Variants in HSF2 observed in about 807,000 individuals in gnomAD.
HSF2 encodes heat shock transcription factor 2, also known as heat shock factor protein 2.
Under a neutral mutation model 65.0 loss-of-function variants are expected in HSF2, and 21 were observed. That is an observed-to-expected ratio of 0.32 (90% CI 0.23 to 0.47). The LOEUF (loss-of-function observed/expected upper bound fraction) is 0.47. Among genes scored for constraint, HSF2 ranks in the 20% least tolerant of loss-of-function variants. The pLI, the probability that HSF2 is intolerant of heterozygous loss-of-function variation, is 1.00. For synonymous variants in HSF2, 225 were observed against 219.1 expected (o/e 1.03, Z -0.24); for missense variants, 499 against 628.1 (o/e 0.79, Z 2.20).
intron 1 of HSF2, among the ~76,000 whole-genome samples, chr6:122,404,185 G>A (rs1319242022): frequency 2.0e-5 from 3 of 152,200 alleles, no homozygotes; most frequent in Non-Finnish European, 4.4e-5. Context: ...ATAGGTAGGA[G>A]GGAGAGAGAG....
chr6:122,430,526 ATTTTTATGTACAC>A (rs1237680620), intron 11 of HSF2, among the ~76,000 whole-genome samples: 1 of 152,094 alleles, frequency 6.6e-6, no homozygotes, highest in Non-Finnish European at 1.5e-5. Flanking sequence ...GTGATGAAAT[ATTTTTATGTACAC>A]TTTTGGAAAG....
At chr6:122,416,187 T>G (rs745797459) in intron 4 of HSF2, 34 bp from the exon 5 acceptor site, 50 of 1,363,176 alleles carry the variant, frequency 3.7e-5, no homozygotes, top group Non-Finnish European at 4.7e-5. Context: ...ATTGATTTTT[T>G]TTTTGTTTTG....
At chr6:122,431,031 A>G (rs1229944203) in intron 11 of HSF2, among the ~76,000 whole-genome samples, 1 of 152,138 alleles carries the variant, frequency 6.6e-6, no homozygotes, top group East Asian at 1.9e-4. Context: ...TGAAATGTAT[A>G]ATACATTTTT....
chr6:122,401,780 A>T (rs1773739646), intron 1 of HSF2, among the ~76,000 whole-genome samples: 1 of 152,198 alleles, frequency 6.6e-6, no homozygotes, highest in Non-Finnish European at 1.5e-5. Flanking sequence ...CGAAAATGTA[A>T]TGGAGTGGTA....
intron 4 of HSF2, among the ~76,000 whole-genome samples, chr6:122,414,659 C>T (rs1237575020): frequency 6.6e-6 from 1 of 152,160 alleles, no homozygotes; most frequent in Non-Finnish European, 1.5e-5. Flanking sequence ...GACAGTCTCA[C>T]TCTGTTACCC....
chr6:122,419,306 C>T, intron 6 of HSF2, 77 bp downstream of exon 6: 1 of 659,238 alleles, frequency 1.5e-6, no homozygotes, highest in East Asian at 2.9e-5. Flanking sequence ...GAGTAGCCTA[C>T]ACTTGCTGAG....
At chr6:122,410,054 C>T (rs2114428650) in intron 1 of HSF2, among the ~76,000 whole-genome samples, 1 of 152,034 alleles carries the variant, frequency 6.6e-6, no homozygotes, top group South Asian at 2.1e-4. Flanking sequence ...AAATTGTTAA[C>T]ACTATAATTT....
At chr6:122,414,928 T>C (rs1004106938) in intron 4 of HSF2, among the ~76,000 whole-genome samples, 17 of 152,174 alleles carry the variant, frequency 1.1e-4, no homozygotes, top group Non-Finnish European at 2.2e-4. Flanking sequence ...TACTTATCTT[T>C]ATTTAGTAAG....
At chr6:122,416,173 T>C in intron 4 of HSF2, 48 bp from the exon 5 acceptor site, 1 of 1,210,464 alleles carries the variant, frequency 8.3e-7, no homozygotes, top group South Asian at 1.3e-5. Flanking sequence ...GGTCTGGTTT[T>C]TTGATTGATT....
At chr6:122,413,128 T>C (rs939319616) in intron 3 of HSF2, among the ~76,000 whole-genome samples, 2 of 151,966 alleles carry the variant, frequency 1.3e-5, no homozygotes, top group Admixed American at 6.6e-5. Flanking sequence ...AAATAAGATA[T>C]TTTACTAAAT....
Position 122,422,316 on chromosome 6 carries a change from T to C in HSF2, c.830+18T>C, listed in dbSNP as rs1240891252. 1 of 1,543,044 alleles carries C rather than the reference T, an allele frequency of 6.5e-7. No individual in the cohort carries two copies. Among genetic ancestry groups the C allele is most frequent in the Admixed American group, 1.8e-5 (1 of 54,798 alleles). ...CCCTCCAAGTAAGGAGTTTGTGAGA[T>C]AAAATGTATGAAAATATTGATTACT... On this transcript the variant is annotated intron_variant, in intron 8 of 12. Coordinates refer to ENST00000368455, the MANE Select transcript of HSF2 (RefSeq NM_004506.4).
chr6:122,409,377 G>C (rs1379295529), intron 1 of HSF2, among the ~76,000 whole-genome samples: 3 of 152,002 alleles, frequency 2.0e-5, no homozygotes, highest in African/African-American at 7.2e-5. Flanking sequence ...GGTTTCAGTC[G>C]AGTGAGGGAA....
In HSF2 at chr6:122,431,417, T is replaced by A. The variant is rs202193329; in HGVS notation, c.1231-13T>A. The A allele has an allele frequency of 4.6e-5, 49 of 1,055,974 alleles. No homozygotes were observed. The highest frequency in any genetic ancestry group is 3.1e-4 in the Middle Eastern group (1 of 3,210). The allele number at this position is 1,055,974 out of a possible 1,614,324, so 65.4% of individuals were successfully genotyped here. On this transcript the variant is annotated splice_polypyrimidine_tract_variant and intron_variant, in intron 11 of 12. Transcript: ENST00000368455. ...ATGAAACAAGTACTTATATATATATTTTTTTCTTTTAGTCTGAGAATAAAG... is the reference window on the plus strand; with the variant it reads ...ATGAAACAAGTACTTATATATATATATTTTTCTTTTAGTCTGAGAATAAAG...
chr6:122,403,790 T>C (rs1773797977), intron 1 of HSF2, among the ~76,000 whole-genome samples: 1 of 152,150 alleles, frequency 6.6e-6, no homozygotes, highest in African/African-American at 2.4e-5. Flanking sequence ...AGTACAGAGA[T>C]TGTACTGTCA....
At chr6:122,427,731 G>C (rs1774368636) in intron 10 of HSF2, among the ~76,000 whole-genome samples, 172 bp from the exon 11 acceptor site, 1 of 151,972 alleles carries the variant, frequency 6.6e-6, no homozygotes, top group African/African-American at 2.4e-5. Context: ...AGCTTGTTCT[G>C]CTTTTGTTTG....
intron 10 of HSF2, among the ~76,000 whole-genome samples, chr6:122,427,548 C>G: frequency 6.6e-6 from 1 of 151,810 alleles, no homozygotes; most frequent in Non-Finnish European, 1.5e-5. Flanking sequence ...GGTCTCAACC[C>G]TGCACACCAC....
rs1193937545 is a variant in HSF2, at chr6:122,422,081, G to C, written c.682-69G>C. 6 of 1,094,570 alleles carry C rather than the reference G, an allele frequency of 5.5e-6. No individual in the cohort carries two copies. In the African/African-American group the frequency reaches 9.5e-5, roughly 17 times the overall value. 67.8% of individuals were successfully genotyped at this position (1,094,570 alleles called of 1,614,324 possible). ...TAAATAGTAGTTGCCTAGTTATTTT[G>C]TAGATGATATCTTGTTTGGTAGTCA... On this transcript the variant is annotated intron_variant, in intron 7 of 12. Transcript: ENST00000368455.
At chr6:122,400,051 G>T (rs1327055784) in intron 1 of HSF2, among the ~76,000 whole-genome samples, 6 of 152,110 alleles carry the variant, frequency 3.9e-5, no homozygotes, top group African/African-American at 1.2e-4. Flanking sequence ...CGCGGTGGGG[G>T]AGGGGCGGCC....
At chr6:122,423,527 A>C in intron 9 of HSF2, 54 bp from the exon 10 acceptor site, 1 of 926,830 alleles carries the variant, frequency 1.1e-6, no homozygotes, top group Non-Finnish European at 1.6e-6. Flanking sequence ...GTGATTTTTA[A>C]ACATAAAAAC....
Sources: gnomAD v4.1 joint callset for allele counts (sites outside exome capture counted in the v4.1 genomes callset) on GRCh38, gnomAD v4.1.1 for gene constraint, MANE v1.5 for transcripts, NCBI Gene and HGNC (gene_info 2026-07-23, HGNC 2026-07-21) for gene names.